CBL: variants seen among roughly 807,000 people sequenced by gnomAD.
CBL encodes E3 ubiquitin-protein ligase CBL.
CBL carries 45 observed loss-of-function variants against 96.9 expected under a neutral mutation model. That is an observed-to-expected ratio of 0.46 (90% CI 0.37 to 0.60). The LOEUF is 0.60. CBL is among the 20% of genes least tolerant of loss of function. CBL has a pLI of 0.00. For synonymous variants in CBL, 420 were observed against 426.8 expected, an observed-to-expected ratio of 0.98 and a Z score of 0.20; for missense variants, 1,024 against 1,143.5, an observed-to-expected ratio of 0.90 and a Z score of 1.51.
chr11:119,246,480 C>G (rs2135276565), intron 2 of CBL, among the ~76,000 whole-genome samples: 1 of 151,864 alleles, frequency 6.6e-6, no homozygotes, highest in Non-Finnish European at 1.5e-5. Flanking sequence ...AGATGGGAGT[C>G]TTGCTCTGTT....
chr11:119,269,060 A>G (rs1353834537), intron 2 of CBL, among the ~76,000 whole-genome samples: 1 of 152,160 alleles, frequency 6.6e-6, no homozygotes, highest in Admixed American at 6.5e-5. Context: ...AAGTAAATAC[A>G]TTGGGATTAA....
rs1949908794 is a variant in CBL, at chr11:119,278,604, G to A, written c.1322G>A (p.Ser441Asn). 1.2e-6 allele frequency: 2 copies of A among 1,614,048 alleles called. No individual in the cohort carries two copies. The highest frequency in any genetic ancestry group is 1.7e-6 in the Non-Finnish European group (2 of 1,179,980). Residue 441 changes from serine (S) to asparagine (N), a missense_variant, in exon 9 of 16, where the codon AGC becomes AAC. Around this residue, in one of 4 missense-constraint regions of CBL, gnomAD observed 695 missense variants for 661.6 expected, o/e 1.05. Transcript: ENST00000264033. ...CCGTTTGATCCTAGAGGGAGTGGCA[G>A]CCTGTTGAGGCAAGGAGCAGAGGGA... ...VDPFDPRGSG[S>N]LLRQGAEGAP...
intron 2 of CBL, among the ~76,000 whole-genome samples, chr11:119,264,530 T>C (rs1592393618): frequency 6.6e-6 from 1 of 151,974 alleles, no homozygotes; most frequent in South Asian, 2.1e-4. Context: ...TTGCCCAGGC[T>C]GGAATGCAGC....
rs114978352 is a variant in CBL, at chr11:119,216,707, C to T, written c.195+10095C>T. 1.4e-3 allele frequency among the ~76,000 whole-genome samples: 218 copies of T among 152,220 alleles called. 2 individuals are homozygous for T. The highest frequency in any genetic ancestry group is 5.1e-3 in the African/African-American group (210 of 41,528). ...TTTAAACAGCAGCACATAACTGTAGCAATCTTTGAGAAAACCAAAAACAAT... is the reference window on the plus strand; with the variant it reads ...TTTAAACAGCAGCACATAACTGTAGTAATCTTTGAGAAAACCAAAAACAAT... On this transcript the variant is annotated intron_variant, in intron 1 of 15. Transcript: ENST00000264033.
chr11:119,275,040 T>G, intron 5 of CBL, 87 bp downstream of exon 5: 1 of 1,434,730 alleles, frequency 7.0e-7, no homozygotes, highest in Non-Finnish European at 9.8e-7. Flanking sequence ...TGACCTTAAT[T>G]AGTTTCGCAA....
intron 12 of CBL, among the ~76,000 whole-genome samples, chr11:119,290,972 C>T (rs1261346130): frequency 6.6e-6 from 1 of 152,124 alleles, no homozygotes; most frequent in Non-Finnish European, 1.5e-5. Context: ...AGCCACTGCG[C>T]CTGGCCCAGT....
chr11:119,253,877 G>T (rs1347078573), intron 2 of CBL, among the ~76,000 whole-genome samples: 2 of 150,736 alleles, frequency 1.3e-5, no homozygotes, highest in African/African-American at 4.9e-5. Context: ...TCATCAGCCA[G>T]TCTTGTTGGC....
At chr11:119,293,375 T>C (rs566477413) in intron 12 of CBL, among the ~76,000 whole-genome samples, 1 of 152,354 alleles carries the variant, frequency 6.6e-6, no homozygotes, top group East Asian at 1.9e-4. Flanking sequence ...CCCAAAGGGC[T>C]GGGATTACAG....
At chr11:119,293,732 A>G (rs1950045393) in intron 12 of CBL, among the ~76,000 whole-genome samples, 1 of 152,178 alleles carries the variant, frequency 6.6e-6, no homozygotes, top group South Asian at 2.1e-4. Flanking sequence ...AATACCTGAG[A>G]TTAAGTAATC....
At chr11:119,252,125 T>C (rs1427121595) in intron 2 of CBL, among the ~76,000 whole-genome samples, 1 of 151,990 alleles carries the variant, frequency 6.6e-6, no homozygotes, top group Non-Finnish European at 1.5e-5. Flanking sequence ...GTGTTAAATT[T>C]GTTACAGAAA....
chr11:119,223,828 T>C (rs1949432162), intron 1 of CBL, among the ~76,000 whole-genome samples: 1 of 152,036 alleles, frequency 6.6e-6, no homozygotes, highest in Non-Finnish European at 1.5e-5. Flanking sequence ...GGTTTCACCA[T>C]GTTGGCCAGG....
At chr11:119,231,100 G>C (rs948081057) in intron 1 of CBL, among the ~76,000 whole-genome samples, 3 of 152,094 alleles carry the variant, frequency 2.0e-5, no homozygotes, top group Non-Finnish European at 4.4e-5. Context: ...TCCTCAAGCG[G>C]TTGTTAAAAC....
rs371103102 is a variant in CBL at position 119,218,853 on chromosome 11, TAAGAA to T, written c.195+12249_195+12253del. Reference sequence around the variant, plus strand: ...CTTTAAGTGAACAGGTGAAAGCTGTTAAGAAAAGAAAAAACTCATATTCCGAGGTT... The same window carrying T: ...CTTTAAGTGAACAGGTGAAAGCTGTTAAGAAAAAACTCATATTCCGAGGTT... On this transcript the variant is annotated intron_variant, in intron 1 of 15. Coordinates refer to ENST00000264033, the MANE Select transcript of CBL (RefSeq NM_005188.4). Among the ~76,000 whole-genome samples, 353 of 152,214 alleles carry T rather than the reference TAAGAA, an allele frequency of 2.3e-3. 2 individuals are homozygous for T. Among genetic ancestry groups the T allele is most frequent in the African/African-American group, 7.6e-3 (316 of 41,534 alleles).
intron 13 of CBL, 137 bp from the exon 14 acceptor site, chr11:119,297,247 T>TA: frequency 2.5e-6 from 2 of 790,932 alleles, no homozygotes; most frequent in Admixed American, 3.8e-5. Flanking sequence ...CAAAAACACA[T>TA]ACACCTATAA....
chr11:119,278,803 T>TA (rs1031115311), intron 9 of CBL, 90 bp downstream of exon 9: 2 of 905,244 alleles, frequency 2.2e-6, no homozygotes, highest in Admixed American at 1.9e-5. Context: ...ACTACAATGA[T>TA]AGGTAGTATT....
At chr11:119,227,028 G>C (rs1949464614) in intron 1 of CBL, among the ~76,000 whole-genome samples, 1 of 152,170 alleles carries the variant, frequency 6.6e-6, no homozygotes, top group Non-Finnish European at 1.5e-5. Flanking sequence ...ACAATGGTTT[G>C]ATGGTACGGT....
intron 2 of CBL, among the ~76,000 whole-genome samples, chr11:119,243,006 G>A (rs1949599227): frequency 1.3e-5 from 2 of 151,970 alleles, no homozygotes; most frequent in Admixed American, 1.3e-4. Flanking sequence ...AGCCAGGGGT[G>A]GTGGCTCATT....
chr11:119,301,369 T>C lies in CBL; in HGVS notation c.*1588T>C. ...TGATAAATGATCCCTCGAGTTCAGT[T>C]AGTATTCTGTCCAGAGTGTTTAGCT... On this transcript the variant is annotated 3_prime_UTR_variant, in exon 16 of 16. Transcript: ENST00000264033. 4.3e-6 allele frequency: 1 copy of C among 233,234 alleles called. No individual in the cohort carries two copies. 14.4% of individuals were successfully genotyped at this position (233,234 alleles called of 1,614,324 possible). A position where few individuals can be genotyped will look rare whatever the true frequency, so the allele number is the denominator to read the frequency against.
chr11:119,273,790 T>C lies in CBL; in HGVS notation c.591-78T>C, dbSNP rs1949866709. On this transcript the variant is annotated intron_variant, in intron 3 of 15. Coordinates refer to ENST00000264033, the MANE Select transcript of CBL (RefSeq NM_005188.4). ...TATTGAGAGCTTAATGTGGCTCTCC[T>C]TCCTTTCCTTGATTATGGCGATGCC... The C allele has an allele frequency of 2.3e-6, 3 of 1,294,684 alleles. No homozygotes were observed. In the Admixed American group the frequency reaches 5.4e-5, roughly 23 times the overall value. 80.2% of individuals were successfully genotyped at this position (1,294,684 alleles called of 1,614,324 possible). A position where few individuals can be genotyped will look rare whatever the true frequency, so the allele number is the denominator to read the frequency against.
Sources: gnomAD v4.1 joint callset for allele counts (sites outside exome capture counted in the v4.1 genomes callset) on GRCh38, gnomAD v4.1.1 for gene constraint, gnomAD v4.1.1 regional missense constraint, MANE v1.5 for transcripts, NCBI Gene and HGNC (gene_info 2026-07-23, HGNC 2026-07-21) for gene names.